The following NME7 variants were observed in gnomAD, a reference collection of about 807,000 sequenced individuals.
The protein encoded by NME7 is NME/NM23 family member 7, also known as nucleoside diphosphate kinase 7.
NME7 carries 41 observed loss-of-function variants against 49.1 expected under a neutral mutation model. The observed-to-expected ratio is 0.83, with a 90% CI of 0.65 to 1.08. The LOEUF (loss-of-function observed/expected upper bound fraction) is 1.08, where lower values mean the gene tolerates loss of function less well. Among genes scored for constraint, NME7 ranks in the 50% least tolerant of loss-of-function variants. The pLI, the probability that NME7 is intolerant of heterozygous loss-of-function variation, is 0.00. For missense variants in NME7, 423 were observed against 463.4 expected, an observed-to-expected ratio of 0.91 and a Z score of 0.80; for synonymous variants, 139 against 150.6, an observed-to-expected ratio of 0.92 and a Z score of 0.56.
chr1:169,343,051 C>T (rs1040422983), intron 1 of NME7, among the ~76,000 whole-genome samples: 3 of 146,812 alleles, frequency 2.0e-5, no homozygotes, highest in Non-Finnish European at 4.5e-5. Flanking sequence ...CCAGCTAGGA[C>T]TCAGAATGAT....
chr1:169,247,089 A>C (rs1648352647), intron 7 of NME7: 1 of 456,222 alleles, frequency 2.2e-6, no homozygotes, highest in Non-Finnish European at 4.4e-6. Context: ...TCAGCATGCA[A>C]AGGAAGCTAA....
chr1:169,363,610 G>A (rs12061080), intron 1 of NME7, among the ~76,000 whole-genome samples: 6,727 of 152,130 alleles, frequency 0.044, 211 homozygotes, highest in East Asian at 0.12. Flanking sequence ...TTTCCCTACT[G>A]CAGCCACCCC....
intron 11 of NME7, among the ~76,000 whole-genome samples, chr1:169,166,668 A>G (rs4656655): frequency 0.37 from 56,443 of 152,050 alleles, 11,049 homozygotes; most frequent in East Asian, 0.73. Context: ...ACCTCGGTAA[A>G]AAGTCATTTA....
chr1:169,299,589 C>A (rs559797385), intron 5 of NME7, among the ~76,000 whole-genome samples: 80 of 152,164 alleles, frequency 5.3e-4, no homozygotes, highest in African/African-American at 1.7e-3. Context: ...AAGAGATCCT[C>A]CTGGAGAAAG....
rs1571276077 is a variant in NME7 at position 169,188,275 on chromosome 1, G to A, written c.991-18721C>T. ...GTATTTTATTGATGGTTTTTGTTTTGCTTTGTTTGAATGTGTGGGTGTTTT... is the reference window on the plus strand; with the variant it reads ...GTATTTTATTGATGGTTTTTGTTTTACTTTGTTTGAATGTGTGGGTGTTTT... On this transcript the variant is annotated intron_variant, in intron 10 of 11. Coordinates refer to ENST00000367811, the MANE Select transcript of NME7 (RefSeq NM_013330.5). 2.6e-5 allele frequency among the ~76,000 whole-genome samples: 4 copies of A among 152,048 alleles called. No individual in the cohort carries two copies. The South Asian group carries it at 6.2e-4, about 24-fold the overall frequency.
intron 7 of NME7, among the ~76,000 whole-genome samples, chr1:169,254,503 TC>T (rs1648807825): frequency 6.6e-6 from 1 of 151,872 alleles, no homozygotes. Flanking sequence ...GTTGATCCTT[TC>T]AAAAAACCAG....
intron 1 of NME7, among the ~76,000 whole-genome samples, chr1:169,343,256 G>A (rs1292988461): frequency 6.6e-6 from 1 of 151,664 alleles, no homozygotes; most frequent in Non-Finnish European, 1.5e-5. Flanking sequence ...CTTACATTTA[G>A]GTCTATGATC....
chr1:169,235,782 T>A (rs1203069959), intron 8 of NME7, among the ~76,000 whole-genome samples: 1 of 152,118 alleles, frequency 6.6e-6, no homozygotes, highest in African/African-American at 2.4e-5. Flanking sequence ...TTAAAGCATT[T>A]ATACAAGTCA....
At chr1:169,134,509 T>C (rs1017176698) in intron 11 of NME7, among the ~76,000 whole-genome samples, 1 of 152,192 alleles carries the variant, frequency 6.6e-6, no homozygotes, top group Admixed American at 6.5e-5. Flanking sequence ...AGCATTTAAA[T>C]ACTGAAGAGA....
At position 169,269,523 on chromosome 1, in the gene NME7, T is replaced by C. The variant is rs1284730787; in HGVS notation, c.754+17780A>G. On this transcript the variant is annotated intron_variant, in intron 7 of 11. Coordinates refer to ENST00000367811, the MANE Select transcript of NME7 (RefSeq NM_013330.5). ...TGAACTGCATGAAGGAAATCAAATA[T>C]GAAAAAGCTGAGCACTTAACTGATT... is the stretch of plus-strand genomic sequence containing the variant. Among the ~76,000 whole-genome samples, 2 of 133,636 alleles carry C rather than the reference T, an allele frequency of 1.5e-5. 1 individual carries two copies. The highest frequency in any genetic ancestry group is 4.0e-4 in the East Asian group (2 of 5,042). The allele number at this position is 133,636 out of a possible 152,430, so 87.7% of individuals were successfully genotyped here. A position where few individuals can be genotyped will look rare whatever the true frequency, so the allele number is the denominator to read the frequency against.
chr1:169,219,154 T>A (rs1168155985), intron 10 of NME7, among the ~76,000 whole-genome samples: 2 of 152,200 alleles, frequency 1.3e-5, no homozygotes, highest in African/African-American at 4.8e-5. Context: ...TCCCTAGGCC[T>A]CAGCCCCACC....
At chr1:169,194,458 GC>G (rs1660316819) in intron 10 of NME7, among the ~76,000 whole-genome samples, 1 of 152,146 alleles carries the variant, frequency 6.6e-6, no homozygotes. Context: ...AGAGATAATA[GC>G]AAAATCTTCA....
intron 1 of NME7, among the ~76,000 whole-genome samples, chr1:169,366,592 A>T (rs946467106): frequency 6.6e-6 from 1 of 152,232 alleles, no homozygotes; most frequent in Non-Finnish European, 1.5e-5. Flanking sequence ...AGCAAATGAG[A>T]TCAAGAGCAA....
At chr1:169,348,328 G>A (rs1653017241) in intron 1 of NME7, among the ~76,000 whole-genome samples, 1 of 147,502 alleles carries the variant, frequency 6.8e-6, no homozygotes, top group African/African-American at 2.5e-5. Context: ...ATAAGTCAAA[G>A]GATATTTTGG....
intron 10 of NME7, among the ~76,000 whole-genome samples, chr1:169,193,262 GCA>G (rs1660286298): frequency 1.3e-5 from 2 of 152,092 alleles, no homozygotes; most frequent in African/African-American, 4.8e-5. Context: ...TGAAAGGGTG[GCA>G]CATGTCTGCT....
At chr1:169,267,490 G>A (rs1202456989) in intron 7 of NME7, among the ~76,000 whole-genome samples, 7 of 133,390 alleles carry the variant, frequency 5.2e-5, no homozygotes, top group African/African-American at 1.8e-4. Flanking sequence ...ATCAAAGCTG[G>A]AGGAATCATA....
At chr1:169,320,864 T>C (rs760837503) in intron 3 of NME7, among the ~76,000 whole-genome samples, 3 of 152,160 alleles carry the variant, frequency 2.0e-5, no homozygotes, top group Non-Finnish European at 4.4e-5. Context: ...ATCAGTCCCA[T>C]TCAACAGTAT....
At chr1:169,238,508 CA>C (rs1236502712) in intron 7 of NME7, among the ~76,000 whole-genome samples, 4 of 151,310 alleles carry the variant, frequency 2.6e-5, no homozygotes, top group African/African-American at 2.4e-5. Context: ...CACACACACA[CA>C]CACACACCAT....
At chr1:169,360,059 T>A (rs947544072) in intron 1 of NME7, among the ~76,000 whole-genome samples, 3 of 152,196 alleles carry the variant, frequency 2.0e-5, no homozygotes, top group African/African-American at 7.2e-5. Context: ...TTCTGGAAAG[T>A]AAGATACTTC....
Sources: gnomAD v4.1 joint callset for allele counts (sites outside exome capture counted in the v4.1 genomes callset) on GRCh38, gnomAD v4.1.1 for gene constraint, MANE v1.5 for transcripts, NCBI Gene and HGNC (gene_info 2026-07-23, HGNC 2026-07-21) for gene names.